The following PPA1 variants were observed in gnomAD, a reference collection of about 807,000 sequenced individuals.
PPA1 encodes inorganic pyrophosphatase.
PPA1 carries 23 observed loss-of-function variants against 41.8 expected under a neutral mutation model. The observed-to-expected ratio is 0.55, with a 90% CI of 0.40 to 0.78. The LOEUF (loss-of-function observed/expected upper bound fraction) is 0.78. Among genes scored for constraint, PPA1 ranks in the 30% least tolerant of loss-of-function variants. PPA1 has a pLI of 0.00. For missense variants in PPA1, 320 were observed against 361.6 expected (o/e 0.89, Z 0.93); for synonymous variants, 101 against 116.8 (o/e 0.86, Z 0.87).
At chr10:70,210,771 A>ATTTT (rs60133562) in intron 6 of PPA1, among the ~76,000 whole-genome samples, 2 of 148,598 alleles carry the variant, frequency 1.3e-5, no homozygotes, top group East Asian at 2.0e-4. Flanking sequence ...ACTCCAATTT[A>ATTTT]TTTTTTTTTT....
At chr10:70,230,246 T>C (rs959859807) in intron 2 of PPA1, 95 bp downstream of exon 2, 20 of 1,422,232 alleles carry the variant, frequency 1.4e-5, no homozygotes, top group Middle Eastern at 1.8e-4. Flanking sequence ...CAACGAGGCA[T>C]TTTAAGCACT....
chr10:70,209,679 T>C lies in PPA1; in HGVS notation c.518A>G (p.Asn173Ser), dbSNP rs779335566. The C allele has an allele frequency of 1.1e-5, 17 of 1,595,862 alleles. No individual in the cohort carries two copies. Among genetic ancestry groups the C allele is most frequent in the Middle Eastern group, 1.7e-4 (1 of 6,060 alleles). ...GCCAGGTTTCAGCCGTTTGACATCATTGATATCTAAGAAGAGAAGAAGCAT... is the reference window on the plus strand; with the variant it reads ...GCCAGGTTTCAGCCGTTTGACATCACTGATATCTAAGAAGAGAAGAAGCAT... ...DPDAANYNDI[N>S]DVKRLKPGYL... The change falls in exon 7 of 11, where the codon AAT (asparagine) becomes AGT (serine). Residue 173 changes from asparagine (N) to serine (S), a missense_variant. Physicochemically the swap from Asn to Ser is conservative, Grantham distance 46. Coordinates refer to ENST00000373232, the MANE Select transcript of PPA1 (RefSeq NM_021129.4).
intron 8 of PPA1, 121 bp downstream of exon 8, chr10:70,209,084 G>A (rs934301103): frequency 1.8e-5 from 12 of 659,120 alleles, no homozygotes; most frequent in South Asian, 6.3e-5. Context: ...GTGAGCCACC[G>A]CACCCAGCCT....
At chr10:70,205,157 G>A in intron 9 of PPA1, 1 of 272,998 alleles carries the variant, frequency 3.7e-6, no homozygotes, top group East Asian at 6.8e-5. Context: ...GGCTGAAGTG[G>A]GTGGATCACA....
At chr10:70,214,120 G>A (rs899367385) in intron 5 of PPA1, among the ~76,000 whole-genome samples, 15 of 152,186 alleles carry the variant, frequency 9.9e-5, no homozygotes, top group African/African-American at 3.6e-4. Flanking sequence ...TCCAACTCAT[G>A]AGGTTATTTG....
chr10:70,222,047 G>T (rs994817955), intron 2 of PPA1, among the ~76,000 whole-genome samples: 2 of 152,174 alleles, frequency 1.3e-5, no homozygotes, highest in Admixed American at 1.3e-4. Flanking sequence ...GAAATTAGCT[G>T]GGTGAGGCCG....
In PPA1 at chr10:70,214,511, T is replaced by C. The variant is rs1157064809; in HGVS notation, c.373A>G (p.Ile125Val). 5 of 1,612,918 alleles carry C rather than the reference T, an allele frequency of 3.1e-6. No individual in the cohort carries two copies. The highest frequency in any genetic ancestry group is 1.7e-4 in the Middle Eastern group (1 of 5,932). The change falls in exon 5 of 11, where the codon ATT becomes GTT. Residue 125 changes from isoleucine to valine, a missense_variant. Coordinates refer to ENST00000373232, the MANE Select transcript of PPA1 (RefSeq NM_021129.4). ...GDNDPIDVCE[I>V]GSKVCARGEI... ...TCACATTTCATTACCTTGCTTCCAA[T>C]TTCACACACATCAATTGGGTCATTG...
intron 6 of PPA1, chr10:70,210,027 C>T: frequency 3.2e-6 from 1 of 310,342 alleles, no homozygotes; most frequent in Non-Finnish European, 6.1e-6. Context: ...ACCAGTTTGG[C>T]AAATGTAGAT....
At chr10:70,232,022 G>A (rs1840294390) in intron 1 of PPA1, among the ~76,000 whole-genome samples, 1 of 152,168 alleles carries the variant, frequency 6.6e-6, no homozygotes, top group Non-Finnish European at 1.5e-5. Flanking sequence ...TGAATTATTA[G>A]TCAAAAGTTA....
rs1840132033 is a variant in PPA1, at chr10:70,220,600, TTTATATATATATTATATATAATTTA to T, written c.124-1808_124-1784del. Among the ~76,000 whole-genome samples the T allele has an allele frequency of 3.3e-4, 4 of 12,306 alleles. 1 individual carries two copies. The highest frequency in any genetic ancestry group is 4.7e-4 in the Non-Finnish European group (3 of 6,348). 8.1% of individuals were successfully genotyped at this position (12,306 alleles called of 152,430 possible). ...ATATATAATTATATATTATATATAA[TTTATATATATATTATATATAATTTA>T]TATATATATAATATATATAATTTAT... is the stretch of plus-strand genomic sequence containing the variant. On this transcript the variant is annotated intron_variant, in intron 2 of 10. Transcript: ENST00000373232.
rs1840128766 is a variant in PPA1 at position 70,220,548 on chromosome 10, TAATA to T, written c.124-1735_124-1732del. ...ATGTATTATATATAATTTTTATGTA[TAATA>T]TATATATAATTATATATATAATATA... On this transcript the variant is annotated intron_variant, in intron 2 of 10. Transcript: ENST00000373232. Among the ~76,000 whole-genome samples, 2 of 12,580 alleles carry T rather than the reference TAATA, an allele frequency of 1.6e-4. 1 individual carries two copies. Among genetic ancestry groups the T allele is most frequent in the Non-Finnish European group, 2.2e-4 (2 of 9,014 alleles). 8.3% of individuals were successfully genotyped at this position (12,580 alleles called of 152,430 possible).
rs540660001 is a variant in PPA1, at chr10:70,226,962, C to A, written c.123+3379G>T. Among the ~76,000 whole-genome samples, 4 of 152,208 alleles carry A rather than the reference C, an allele frequency of 2.6e-5. No homozygotes were observed. The South Asian group carries it at 8.3e-4, about 32-fold the overall frequency. ...CTACATTGTCAGAACTAGAATTTAA[C>A]ATGAAAGTTTAAGATATGGAATAGA... On this transcript the variant is annotated intron_variant, in intron 2 of 10. Coordinates refer to ENST00000373232, the MANE Select transcript of PPA1 (RefSeq NM_021129.4).
At chr10:70,229,623 G>A (rs568612944) in intron 2 of PPA1, among the ~76,000 whole-genome samples, 4 of 152,184 alleles carry the variant, frequency 2.6e-5, no homozygotes, top group East Asian at 3.9e-4. Context: ...GTACTAGCCC[G>A]TTACTAAATT....
intron 2 of PPA1, among the ~76,000 whole-genome samples, chr10:70,224,592 G>T (rs770130576): frequency 6.6e-6 from 1 of 152,100 alleles, no homozygotes; most frequent in Non-Finnish European, 1.5e-5. Context: ...AATAGGCTAC[G>T]GCCATTTGGT....
At chr10:70,220,626 TA>T (rs1840134444) in intron 2 of PPA1, among the ~76,000 whole-genome samples, 1 of 3,828 alleles carries the variant, frequency 2.6e-4, no homozygotes, top group African/African-American at 9.1e-4. Context: ...ATATAATTTA[TA>T]TATATATAAT....
chr10:70,204,526 G>A (rs1327329052), intron 10 of PPA1: 1 of 198,108 alleles, frequency 5.0e-6, no homozygotes, highest in East Asian at 1.2e-4. Flanking sequence ...GGAGCTGAAG[G>A]ATGGGGAAAG....
intron 2 of PPA1, among the ~76,000 whole-genome samples, chr10:70,220,360 T>G (rs1397528328): frequency 2.8e-5 from 4 of 140,378 alleles, no homozygotes; most frequent in African/African-American, 1.1e-4. Context: ...TCAAGCAATC[T>G]TCCCATCTCA....
At chr10:70,226,500 A>C (rs1269284149) in intron 2 of PPA1, among the ~76,000 whole-genome samples, 2 of 152,054 alleles carry the variant, frequency 1.3e-5, no homozygotes, top group African/African-American at 4.8e-5. Context: ...TGGAGCCTGC[A>C]GTGAGCCAAG....
At chr10:70,207,277 T>C (rs1323689798) in intron 8 of PPA1, among the ~76,000 whole-genome samples, 1 of 152,138 alleles carries the variant, frequency 6.6e-6, no homozygotes, top group Non-Finnish European at 1.5e-5. Flanking sequence ...TAAGAAATGA[T>C]TAAAAATAGT....
Sources: allele counts gnomAD v4.1 joint callset (sites outside exome capture counted in the v4.1 genomes callset), GRCh38; gene constraint gnomAD v4.1.1; transcripts MANE v1.5; gene names NCBI Gene and HGNC (gene_info 2026-07-23, HGNC 2026-07-21).